RERG: variants seen among roughly 807,000 people sequenced by gnomAD.
RERG encodes ras-related and estrogen-regulated growth inhibitor.
RERG carries 25 observed loss-of-function variants against 23.2 expected under a neutral mutation model. The observed-to-expected ratio is 1.08, with a 90% CI of 0.79 to 1.50. The LOEUF is 1.50. RERG is among the 40% of genes most tolerant of loss of function. The probability of loss-of-function intolerance (pLI) is 0.00; values close to 1 mark genes in which losing one functional copy is unlikely to be tolerated. For missense variants in RERG, 253 were observed against 250.1 expected (o/e 1.01, Z -0.08); for synonymous variants, 81 against 89.1 (o/e 0.91, Z 0.51).
intron 3 of RERG, among the ~76,000 whole-genome samples, chr12:15,113,259 A>G (rs1863656865): frequency 6.6e-6 from 1 of 152,176 alleles, no homozygotes; most frequent in South Asian, 2.1e-4. Flanking sequence ...AATAAATTAG[A>G]AGAGAAGAAA....
intron 3 of RERG, among the ~76,000 whole-genome samples, chr12:15,118,508 C>G (rs957463034): frequency 6.6e-6 from 1 of 152,090 alleles, no homozygotes; most frequent in Non-Finnish European, 1.5e-5. Flanking sequence ...AACTTTTAGT[C>G]AAAGTAGCTG....
chr12:15,134,598 T>C (rs1439440408), intron 2 of RERG, among the ~76,000 whole-genome samples: 2 of 151,998 alleles, frequency 1.3e-5, no homozygotes, highest in African/African-American at 4.8e-5. Context: ...CCTTTCCATA[T>C]AAACTTTTTA....
chr12:15,113,734 G>A (rs899116204), intron 3 of RERG, among the ~76,000 whole-genome samples: 1 of 151,812 alleles, frequency 6.6e-6, no homozygotes, highest in Non-Finnish European at 1.5e-5. Flanking sequence ...AGAAAATGAA[G>A]ACTTGAATAC....
At chr12:15,177,485 C>A (rs1864866612) in intron 2 of RERG, among the ~76,000 whole-genome samples, 2 of 152,042 alleles carry the variant, frequency 1.3e-5, no homozygotes, top group African/African-American at 4.8e-5. Flanking sequence ...TCATACAGAG[C>A]AATTCTCCCA....
intron 2 of RERG, among the ~76,000 whole-genome samples, chr12:15,151,543 A>C (rs1235064426): frequency 6.6e-6 from 1 of 152,222 alleles, no homozygotes; most frequent in African/African-American, 2.4e-5. Context: ...GTAGATGTAG[A>C]TATTCAAGAA....
At position 15,198,049 on chromosome 12, in the gene RERG, T is replaced by C. The variant is rs1003997412; in HGVS notation, c.61+19380A>G. The stretch of plus-strand genomic sequence containing the variant: ...TGAGAATCACAAACTGATTTGTCTA[T>C]AAGGACATCACCTGGCCTGGCCACT... On this transcript the variant is annotated intron_variant, in intron 2 of 4. Transcript: ENST00000256953. Among the ~76,000 whole-genome samples, 6 of 152,298 alleles carry C rather than the reference T, an allele frequency of 3.9e-5. No homozygotes were observed. The East Asian group carries it at 1.2e-3, about 29-fold the overall frequency.
chr12:15,111,323 T>G, intron 4 of RERG, 21 bp downstream of exon 4: 1 of 1,565,904 alleles, frequency 6.4e-7, no homozygotes, highest in Non-Finnish European at 8.7e-7. Context: ...GAAAAATATT[T>G]TAGCTGAACT....
At chr12:15,162,254 G>C (rs1337653161) in intron 2 of RERG, among the ~76,000 whole-genome samples, 1 of 152,168 alleles carries the variant, frequency 6.6e-6, no homozygotes, top group Non-Finnish European at 1.5e-5. Context: ...GTGAAACAAG[G>C]TCCAGGCACA....
chr12:15,174,984 C>T lies in RERG; in HGVS notation c.61+42445G>A, dbSNP rs570901538. Among the ~76,000 whole-genome samples the T allele has an allele frequency of 3.9e-5, 6 of 152,154 alleles. No individual in the cohort carries two copies. The South Asian group carries it at 1.2e-3, about 32-fold the overall frequency. On this transcript the variant is annotated intron_variant, in intron 2 of 4. Coordinates refer to ENST00000256953, the MANE Select transcript of RERG (RefSeq NM_032918.3). Reference sequence around the variant, plus strand: ...ATCCCTCAGGGCCAGTTTCCATTGACTCCTATTTTCCTGTGTATGGATAAT... The same window carrying T: ...ATCCCTCAGGGCCAGTTTCCATTGATTCCTATTTTCCTGTGTATGGATAAT...
chr12:15,162,333 G>A (rs1391415046), intron 2 of RERG, among the ~76,000 whole-genome samples: 1 of 152,152 alleles, frequency 6.6e-6, no homozygotes, highest in Non-Finnish European at 1.5e-5. Flanking sequence ...AAGAAATCAG[G>A]AGTTCAAATA....
At chr12:15,170,157 A>G (rs1362898629) in intron 2 of RERG, among the ~76,000 whole-genome samples, 1 of 152,210 alleles carries the variant, frequency 6.6e-6, no homozygotes, top group Non-Finnish European at 1.5e-5. Context: ...ATTTTAAAAT[A>G]AAAGTGCAAT....
intron 2 of RERG, among the ~76,000 whole-genome samples, chr12:15,212,895 C>A (rs1260367478): frequency 1.3e-5 from 2 of 152,110 alleles, no homozygotes; most frequent in South Asian, 2.1e-4. Context: ...CTTTTAAAAA[C>A]TTCTTTATAA....
At chr12:15,123,747 C>G (rs111267168) in intron 2 of RERG, among the ~76,000 whole-genome samples, 102 of 151,956 alleles carry the variant, frequency 6.7e-4, no homozygotes, top group African/African-American at 2.3e-3. Context: ...TCCCTTCCCT[C>G]TCCATCCCAA....
At chr12:15,196,417 C>A (rs1356512181) in intron 2 of RERG, among the ~76,000 whole-genome samples, 6 of 152,266 alleles carry the variant, frequency 3.9e-5, no homozygotes, top group South Asian at 2.1e-4. Flanking sequence ...GAAATTGACA[C>A]CTTGTCTTAA....
intron 2 of RERG, among the ~76,000 whole-genome samples, chr12:15,130,008 G>C (rs1864017171): frequency 6.6e-6 from 1 of 152,094 alleles, no homozygotes. Context: ...GGAATATAAT[G>C]GGAAAACAAA....
At chr12:15,157,153 TAC>T (rs770366924) in intron 2 of RERG, among the ~76,000 whole-genome samples, 7 of 152,190 alleles carry the variant, frequency 4.6e-5, no homozygotes, top group Non-Finnish European at 8.8e-5. Flanking sequence ...TTTTGAAGAA[TAC>T]ACAGTTTTTG....
At chr12:15,209,265 G>A (rs1865334744) in intron 2 of RERG, among the ~76,000 whole-genome samples, 1 of 152,180 alleles carries the variant, frequency 6.6e-6, no homozygotes, top group African/African-American at 2.4e-5. Flanking sequence ...ATTTTTCAAA[G>A]TACCTTCAGT....
chr12:15,167,969 A>G (rs1343356904), intron 2 of RERG, among the ~76,000 whole-genome samples: 2 of 152,196 alleles, frequency 1.3e-5, no homozygotes, highest in Non-Finnish European at 2.9e-5. Context: ...GGTAATGTCA[A>G]CTGTACACCT....
intron 2 of RERG, among the ~76,000 whole-genome samples, chr12:15,206,702 A>T (rs953180270): frequency 6.6e-6 from 1 of 152,126 alleles, no homozygotes; most frequent in African/African-American, 2.4e-5. Flanking sequence ...CCAATAAAAA[A>T]ACACATTTCC....
Sources: gnomAD v4.1 joint callset for allele counts (sites outside exome capture counted in the v4.1 genomes callset) on GRCh38, gnomAD v4.1.1 for gene constraint, MANE v1.5 for transcripts, NCBI Gene and HGNC (gene_info 2026-07-23, HGNC 2026-07-21) for gene names.